Variants in VPS36 observed in about 807,000 individuals in gnomAD.
The protein encoded by VPS36 is vacuolar protein sorting 36 homolog, also known as vacuolar protein-sorting-associated protein 36.
Under a neutral mutation model 63.5 loss-of-function variants are expected in VPS36, and 31 were observed. That is an observed-to-expected ratio of 0.49 (90% CI 0.37 to 0.66). The LOEUF (loss-of-function observed/expected upper bound fraction) is 0.66, where lower values mean the gene tolerates loss of function less well. Ranked by LOEUF, VPS36 falls within the 30% of genes least tolerant of loss-of-function variation. VPS36 has a pLI of 0.00. For synonymous variants in VPS36, 138 were observed against 157.2 expected, an observed-to-expected ratio of 0.88 and a Z score of 0.91; for missense variants, 338 against 463.7, an observed-to-expected ratio of 0.73 and a Z score of 2.49.
intron 9 of VPS36, among the ~76,000 whole-genome samples, chr13:52,425,582 G>T (rs1270457169): frequency 6.6e-6 from 1 of 152,028 alleles, no homozygotes; most frequent in African/African-American, 2.4e-5. Flanking sequence ...CAGACTAGAA[G>T]ATGAATCTAT....
At chr13:52,449,973 C>A in intron 1 of VPS36, 2 of 985,710 alleles carry the variant, frequency 2.0e-6, no homozygotes, top group Non-Finnish European at 2.4e-6. Flanking sequence ...ACCCCTCTGC[C>A]CAGATATGCT....
At chr13:52,432,341 ACT>A (rs1227906638) in intron 6 of VPS36, among the ~76,000 whole-genome samples, 8 of 152,212 alleles carry the variant, frequency 5.3e-5, no homozygotes, top group African/African-American at 1.7e-4. Flanking sequence ...ACAGAGCAAG[ACT>A]CTGTCTCAAA....
intron 11 of VPS36, 95 bp from the exon 12 acceptor site, chr13:52,417,236 G>C (rs779412266): frequency 8.1e-6 from 8 of 988,784 alleles, no homozygotes; most frequent in African/African-American, 1.6e-5. Flanking sequence ...TTTATGCCCA[G>C]ATATGAGGGC....
chr13:52,420,191 G>C (rs1400134250), intron 10 of VPS36, among the ~76,000 whole-genome samples: 5 of 150,688 alleles, frequency 3.3e-5, no homozygotes, highest in Admixed American at 3.3e-4. Context: ...GCAGTGAGCC[G>C]AGGTTGTGCC....
At chr13:52,434,161 G>A (rs1028960045) in intron 5 of VPS36, among the ~76,000 whole-genome samples, 2 of 152,106 alleles carry the variant, frequency 1.3e-5, no homozygotes, top group Admixed American at 6.5e-5. Context: ...TAGTGTTGGT[G>A]ATTAATTTAG....
chr13:52,444,619 C>T (rs1361589455), intron 1 of VPS36, among the ~76,000 whole-genome samples: 1 of 149,490 alleles, frequency 6.7e-6, no homozygotes, highest in East Asian at 1.9e-4. Context: ...TGGAGCATTA[C>T]TATATATCAT....
chr13:52,422,558 C>T (rs1462527383), intron 10 of VPS36, among the ~76,000 whole-genome samples: 1 of 152,162 alleles, frequency 6.6e-6, no homozygotes, highest in Non-Finnish European at 1.5e-5. Flanking sequence ...TCCCCCTAGT[C>T]TCTACCCTTA....
At position 52,415,634 on chromosome 13, in the gene VPS36, A is replaced by G; in HGVS notation, c.*196T>C. ...TGATTTTAAATTCATATTGGCATTCACTTTTCTGAATTTTCCTATGCGTAT... is the reference window on the plus strand; with the variant it reads ...TGATTTTAAATTCATATTGGCATTCGCTTTTCTGAATTTTCCTATGCGTAT... On this transcript the variant is annotated 3_prime_UTR_variant, in exon 14 of 14. Transcript: ENST00000378060. 1.8e-6 allele frequency: 1 copy of G among 563,862 alleles called. No individual in the cohort carries two copies. The highest frequency in any genetic ancestry group is 3.2e-6 in the Non-Finnish European group (1 of 317,276). The allele number at this position is 563,862 out of a possible 1,614,324, so 34.9% of individuals were successfully genotyped here. A position where few individuals can be genotyped will look rare whatever the true frequency, so the allele number is the denominator to read the frequency against.
chr13:52,426,190 A>G lies in VPS36; in HGVS notation c.640-124T>C. 8 of 1,249,392 alleles carry G rather than the reference A, an allele frequency of 6.4e-6. No individual in the cohort carries two copies. The South Asian group carries it at 9.1e-5, about 14-fold the overall frequency. 77.4% of individuals were successfully genotyped at this position (1,249,392 alleles called of 1,614,324 possible). A position where few individuals can be genotyped will look rare whatever the true frequency, so the allele number is the denominator to read the frequency against. ...TCCCCATTCCTTCTACTGTGTTTCT[A>G]TGCTGTGAACTATAAGGGAGCAGAT... On this transcript the variant is annotated intron_variant, in intron 8 of 13. Transcript: ENST00000378060.
In VPS36 at chr13:52,413,565, A is replaced by G. The variant is rs1390228332; in HGVS notation, c.*2265T>C. The G allele has an allele frequency of 6.6e-6, 1 of 152,224 alleles. No homozygotes were observed. The highest frequency in any genetic ancestry group is 2.4e-5 in the African/African-American group (1 of 41,452). 9.4% of individuals were successfully genotyped at this position (152,224 alleles called of 1,614,324 possible). On this transcript the variant is annotated 3_prime_UTR_variant, in exon 14 of 14. Transcript: ENST00000378060. ...TATATACATTGATACCAATCATTTA[A>G]CCCTGAAAACACAGTCTTCACTAAC...
chr13:52,429,174 G>T, intron 6 of VPS36: 1 of 788,252 alleles, frequency 1.3e-6, no homozygotes, highest in Non-Finnish European at 1.5e-6. Context: ...GAGAAAAACA[G>T]CACCTGTTTT....
At chr13:52,424,881 A>G (rs1594115048) in intron 9 of VPS36, among the ~76,000 whole-genome samples, 1 of 151,906 alleles carries the variant, frequency 6.6e-6, no homozygotes, top group South Asian at 2.1e-4. Context: ...CCAGCTACTC[A>G]GGAGGCTGAG....
intron 2 of VPS36, among the ~76,000 whole-genome samples, chr13:52,441,821 G>GT (rs1482151744): frequency 6.6e-6 from 1 of 152,164 alleles, no homozygotes; most frequent in African/African-American, 2.4e-5. Context: ...CATTATCTAG[G>GT]TAAAAGCATG....
chr13:52,450,377 G>A, intron 1 of VPS36, 122 bp downstream of exon 1: 1 of 1,256,942 alleles, frequency 8.0e-7, no homozygotes. Context: ...CTGCCGGGCC[G>A]CCGAGGGCCG....
intron 6 of VPS36, among the ~76,000 whole-genome samples, chr13:52,431,421 A>G (rs1958152836): frequency 6.6e-6 from 1 of 152,204 alleles, no homozygotes; most frequent in Non-Finnish European, 1.5e-5. Context: ...ATACTGATGA[A>G]TATTACTAGC....
chr13:52,442,494 G>T, intron 1 of VPS36, 49 bp from the exon 2 acceptor site: 1 of 1,521,790 alleles, frequency 6.6e-7, no homozygotes, highest in Non-Finnish European at 8.9e-7. Context: ...CACTCATTGT[G>T]GTTCCGATTT....
intron 6 of VPS36, chr13:52,429,174 G>A (rs1958132140): frequency 6.3e-6 from 5 of 788,254 alleles, no homozygotes; most frequent in Non-Finnish European, 7.7e-6. Context: ...GAGAAAAACA[G>A]CACCTGTTTT....
At chr13:52,434,643 C>T in intron 5 of VPS36, 150 bp downstream of exon 5, 1 of 779,790 alleles carries the variant, frequency 1.3e-6, no homozygotes, top group African/African-American at 1.7e-5. Flanking sequence ...CAGGCGTGAG[C>T]CACCGCGCCC....
chr13:52,412,763 G>C lies in VPS36; in HGVS notation c.*3067C>G, dbSNP rs1379915607. On this transcript the variant is annotated 3_prime_UTR_variant, in exon 14 of 14. Transcript: ENST00000378060. ...GTCCAGGCCCTGTTCTCAGCTCTTA[G>C]AATACATCCATGAACAAACCAGATA... The C allele has an allele frequency of 6.6e-6, 1 of 152,100 alleles. No homozygotes were observed. Among genetic ancestry groups the C allele is most frequent in the African/African-American group, 2.4e-5 (1 of 41,410 alleles). The allele number at this position is 152,100 out of a possible 1,614,324, so 9.4% of individuals were successfully genotyped here.
Sources: allele counts gnomAD v4.1 joint callset (sites outside exome capture counted in the v4.1 genomes callset), GRCh38; gene constraint gnomAD v4.1.1; transcripts MANE v1.5; gene names NCBI Gene and HGNC (gene_info 2026-07-23, HGNC 2026-07-21).